Variants in CEACAM5 observed in about 807,000 individuals in gnomAD.
The protein encoded by CEACAM5 is cell adhesion molecule CEACAM5.
Under a neutral mutation model 63.0 loss-of-function variants are expected in CEACAM5, and 52 were observed. The ratio of observed to expected loss-of-function variants is 0.83; its 90% CI spans 0.66 to 1.04. The LOEUF is 1.04. Ranked by LOEUF, CEACAM5 falls within the 50% of genes least tolerant of loss-of-function variation. CEACAM5 has a pLI of 0.00. For synonymous variants in CEACAM5, 357 were observed against 351.3 expected (o/e 1.02, Z -0.18); for missense variants, 790 against 864.8 (o/e 0.91, Z 1.08).
intron 8 of CEACAM5, among the ~76,000 whole-genome samples, chr19:41,723,103 T>G (rs1221243972): frequency 1.3e-5 from 2 of 151,844 alleles, no homozygotes; most frequent in East Asian, 1.9e-4. Flanking sequence ...TAGTAGAGAC[T>G]GAGTTTCACA....
In CEACAM5 at chr19:41,720,500, CTTTT is replaced by C. The variant is rs10713199; in HGVS notation, c.1771+313_1771+316del. On this transcript the variant is annotated intron_variant, in intron 7 of 9. Transcript: ENST00000221992. ...GTGGACATGAGGGTTATGGTTTGGACTTTTTTTTTTTTTTTTTTTTTTTTGAGAC... is the reference window on the plus strand; with the variant it reads ...GTGGACATGAGGGTTATGGTTTGGACTTTTTTTTTTTTTTTTTTTTGAGAC... Among the ~76,000 whole-genome samples the C allele has an allele frequency of 6.0e-4, 58 of 96,068 alleles. 1 individual carries two copies. The East Asian group carries it at 0.014, about 24-fold the overall frequency. 63.0% of individuals were successfully genotyped at this position (96,068 alleles called of 152,430 possible).
At chr19:41,713,561 C>T (rs1368609748) in intron 2 of CEACAM5, among the ~76,000 whole-genome samples, 4 of 152,176 alleles carry the variant, frequency 2.6e-5, no homozygotes, top group African/African-American at 7.2e-5. Flanking sequence ...AAACTGCAGA[C>T]CCATGAACAA....
Position 41,720,926 on chromosome 19 carries a change from G to A in CEACAM5, c.1776G>A (p.Gly592=), listed in dbSNP as rs782624229. The stretch of plus-strand genomic sequence containing the variant: ...GCTTTGTTCTCTTTGTTCCAGATGG[G>A]CCGGACACCCCCATCATTTCCCCCC... ...SDPVTLDVLY[G]PDTPIISPPD... Residue 592 remains glycine (G), a synonymous_variant, in exon 8 of 10, where the codon GGG becomes GGA. Coordinates refer to ENST00000221992, the MANE Select transcript of CEACAM5 (RefSeq NM_004363.6). 29 of 1,614,000 alleles carry A rather than the reference G, an allele frequency of 1.8e-5. No homozygotes were observed. The East Asian group carries it at 6.5e-4, about 36-fold the overall frequency.
chr19:41,726,376 A>G (rs1004128443), intron 8 of CEACAM5, among the ~76,000 whole-genome samples: 5 of 152,260 alleles, frequency 3.3e-5, no homozygotes, highest in Non-Finnish European at 2.9e-5. Context: ...TAGCTAACAT[A>G]GCATTAATCA....
intron 7 of CEACAM5, 55 bp downstream of exon 7, chr19:41,720,263 C>A (rs2122816088): frequency 1.5e-5 from 23 of 1,576,860 alleles, no homozygotes; most frequent in Middle Eastern, 3.4e-4. Flanking sequence ...TCCACACAGC[C>A]AGAGGCCAGG....
intron 5 of CEACAM5, 76 bp from the exon 6 acceptor site, chr19:41,718,052 G>C (rs782537490): frequency 1.9e-6 from 3 of 1,556,784 alleles, no homozygotes; most frequent in Non-Finnish European, 1.8e-6. Context: ...GGGGGACACT[G>C]TTGCCCTTTC....
At chr19:41,722,971 G>A (rs1471386974) in intron 8 of CEACAM5, among the ~76,000 whole-genome samples, 1 of 152,042 alleles carries the variant, frequency 6.6e-6, no homozygotes, top group African/African-American at 2.4e-5. Context: ...GCACTGGCGC[G>A]ATCTCGGCTC....
intron 8 of CEACAM5, 88 bp downstream of exon 8, chr19:41,721,264 C>A: frequency 1.7e-5 from 25 of 1,470,260 alleles, no homozygotes; most frequent in Non-Finnish European, 2.3e-5. Context: ...ATTTTCTTTC[C>A]CAGTCTGTGT....
At chr19:41,723,008 C>T (rs1555816517) in intron 8 of CEACAM5, among the ~76,000 whole-genome samples, 2 of 152,032 alleles carry the variant, frequency 1.3e-5, no homozygotes, top group African/African-American at 2.4e-5. Context: ...CCCGTGTTCA[C>T]GCCATTCTCC....
chr19:41,722,891 T>TTTGTTTGTTTG (rs1600475086), intron 8 of CEACAM5, among the ~76,000 whole-genome samples: 1 of 151,722 alleles, frequency 6.6e-6, no homozygotes, highest in African/African-American at 2.4e-5. Flanking sequence ...TAATTCTTTT[T>TTTGTTTGTTTG]TTTGTTTGTT....
At chr19:41,714,352 C>T (rs782017734) in intron 2 of CEACAM5, among the ~76,000 whole-genome samples, 1 of 152,204 alleles carries the variant, frequency 6.6e-6, no homozygotes, top group Non-Finnish European at 1.5e-5. Context: ...AGTCAGTCAT[C>T]ATCAAACACC....
intron 2 of CEACAM5, among the ~76,000 whole-genome samples, chr19:41,713,105 G>A (rs1359852950): frequency 6.6e-6 from 1 of 152,144 alleles, no homozygotes; most frequent in African/African-American, 2.4e-5. Flanking sequence ...AAGAGATCAA[G>A]ACCATCCTGG....
rs781817038 is a variant in CEACAM5 at position 41,717,630 on chromosome 19, C to T, written c.1134C>T (p.Leu378=). 1.7e-5 allele frequency: 27 copies of T among 1,614,120 alleles called. No individual in the cohort carries two copies. The highest frequency in any genetic ancestry group is 8.3e-5 in the Admixed American group (5 of 60,002). Reference sequence around the variant, plus strand: ...AGCTGTCCAATGACAACAGGACCCTCACTCTACTCAGTGTCACAAGGAATG... The same window carrying T: ...AGCTGTCCAATGACAACAGGACCCTTACTCTACTCAGTGTCACAAGGAATG... ...RLQLSNDNRT[L]TLLSVTRNDV... The change falls in exon 5 of 10, where the codon CTC becomes CTT. Residue 378 remains leucine (L), a synonymous_variant. Coordinates refer to ENST00000221992, the MANE Select transcript of CEACAM5 (RefSeq NM_004363.6).
chr19:41,712,287 A>G (rs1240601716), intron 2 of CEACAM5, among the ~76,000 whole-genome samples: 4 of 152,108 alleles, frequency 2.6e-5, no homozygotes, highest in African/African-American at 9.7e-5. Context: ...CATTCCACAT[A>G]CACCTGTGTC....
Position 41,720,942 on chromosome 19 carries a change from A to C in CEACAM5, c.1792A>C (p.Ile598Leu). The change falls in exon 8 of 10, where the codon ATT (isoleucine) becomes CTT (leucine). Residue 598 changes from isoleucine to leucine, a missense_variant. Physicochemically the swap from Ile to Leu is conservative, Grantham distance 5. Transcript: ENST00000221992. ...TCCAGATGGGCCGGACACCCCCATC[A>C]TTTCCCCCCCAGACTCGTCTTACCT... ...DVLYGPDTPI[I>L]SPPDSSYLSG... is the part of the protein sequence containing the mutation. 6.2e-7 allele frequency: 1 copy of C among 1,612,818 alleles called. No homozygotes were observed. Among genetic ancestry groups the C allele is most frequent in the South Asian group, 1.1e-5 (1 of 91,014 alleles).
rs373941805 is a variant in CEACAM5 at position 41,727,222 on chromosome 19, C to T, written c.2027-12C>T. 61 of 1,602,354 alleles carry T rather than the reference C, an allele frequency of 3.8e-5. No individual in the cohort carries two copies. The highest frequency in any genetic ancestry group is 1.3e-4 in the East Asian group (6 of 44,846). ...CATTCCTTCTCTTTTCTTTCCATGA[C>T]GGACGATTCAGCATCTGGAACTTCT... On this transcript the variant is annotated splice_polypyrimidine_tract_variant and intron_variant, in intron 8 of 9. Coordinates refer to ENST00000221992, the MANE Select transcript of CEACAM5 (RefSeq NM_004363.6).
intron 2 of CEACAM5, among the ~76,000 whole-genome samples, chr19:41,713,651 T>C (rs56023470): frequency 0.65 from 98,431 of 152,104 alleles, 33,423 homozygotes; most frequent in East Asian, 0.94. Context: ...CTCTAGGGAC[T>C]TCATATAAGT....
chr19:41,710,090 C>A lies in CEACAM5; in HGVS notation c.424+51C>A, dbSNP rs371080520. On this transcript the variant is annotated intron_variant, in intron 2 of 9. Coordinates refer to ENST00000221992, the MANE Select transcript of CEACAM5 (RefSeq NM_004363.6). ...GGTGTTGGGGGTCAGTTCTACTTCCCACACACAGGATTATCAGGCCTGGGC... is the reference window on the plus strand; with the variant it reads ...GGTGTTGGGGGTCAGTTCTACTTCCAACACACAGGATTATCAGGCCTGGGC... 2.2e-4 allele frequency: 354 copies of A among 1,573,690 alleles called. 1 individual carries two copies. Among genetic ancestry groups the A allele is most frequent in the Non-Finnish European group, 2.9e-4 (337 of 1,161,830 alleles).
Position 41,730,252 on chromosome 19 carries a change from C to T in CEACAM5, c.*1105C>T, listed in dbSNP as rs2072752691. Among the ~76,000 whole-genome samples the T allele has an allele frequency of 6.6e-6, 1 of 152,026 alleles. No individual in the cohort carries two copies. The highest frequency in any genetic ancestry group is 2.1e-4 in the South Asian group (1 of 4,826). The stretch of plus-strand genomic sequence containing the variant: ...TGGCTAACACAGTGAAACCCCGTCT[C>T]TACTAAAAATACAAAAAAAGTTAGC... On this transcript the variant is annotated 3_prime_UTR_variant, in exon 10 of 10. Coordinates refer to ENST00000221992, the MANE Select transcript of CEACAM5 (RefSeq NM_004363.6).
Sources: allele counts gnomAD v4.1 joint callset (sites outside exome capture counted in the v4.1 genomes callset), GRCh38; gene constraint gnomAD v4.1.1; transcripts MANE v1.5; gene names NCBI Gene and HGNC (gene_info 2026-07-23, HGNC 2026-07-21).